The following SORCS2 variants were observed in gnomAD, a reference collection of about 807,000 sequenced individuals.
SORCS2 encodes the protein sortilin related VPS10 domain containing receptor 2.
In SORCS2, 100 loss-of-function variants were observed where a neutral mutation model predicts 141.6. The observed-to-expected ratio is 0.71, with a 90% CI of 0.60 to 0.83. The LOEUF (loss-of-function observed/expected upper bound fraction) is 0.83, where lower values mean the gene tolerates loss of function less well. Among genes scored for constraint, SORCS2 ranks in the 40% least tolerant of loss-of-function variants. The pLI is 0.00. For synonymous variants in SORCS2, 789 were observed against 676.9 expected (o/e 1.17, Z -2.57); for missense variants, 1,646 against 1,560.2 (o/e 1.05, Z -0.93).
intron 1 of SORCS2, among the ~76,000 whole-genome samples, chr4:7,329,094 CCCCAG>C (rs1322441805): frequency 3.9e-5 from 6 of 152,214 alleles, no homozygotes; most frequent in Non-Finnish European, 8.8e-5. Flanking sequence ...CAAGCCTGTG[CCCCAG>C]CCCTGGGAAA....
At chr4:7,358,611 T>C (rs866660360) in intron 1 of SORCS2, among the ~76,000 whole-genome samples, 3 of 152,318 alleles carry the variant, frequency 2.0e-5, no homozygotes, top group Middle Eastern at 3.4e-3. Flanking sequence ...ATGACTCGTG[T>C]CCTCTAAGTA....
intron 1 of SORCS2, among the ~76,000 whole-genome samples, chr4:7,222,767 C>T (rs1025133416): frequency 3.3e-5 from 5 of 151,786 alleles, no homozygotes; most frequent in African/African-American, 4.8e-5. Flanking sequence ...AGGGCTGGGG[C>T]GTACAGATCT....
chr4:7,555,456 G>A (rs1288076801), intron 3 of SORCS2, among the ~76,000 whole-genome samples: 1 of 152,224 alleles, frequency 6.6e-6, no homozygotes, highest in Non-Finnish European at 1.5e-5. Flanking sequence ...AGAGGAATGA[G>A]GAGGCATCTG....
At chr4:7,420,971 G>C (rs1726004910) in intron 2 of SORCS2, among the ~76,000 whole-genome samples, 1 of 152,198 alleles carries the variant, frequency 6.6e-6, no homozygotes, top group Admixed American at 6.5e-5. Flanking sequence ...GCCCCACTCA[G>C]CACGTGCGTA....
At chr4:7,483,373 G>A (rs1047222415) in intron 2 of SORCS2, among the ~76,000 whole-genome samples, 2 of 150,872 alleles carry the variant, frequency 1.3e-5, no homozygotes, top group Admixed American at 1.3e-4. Flanking sequence ...GACGGATGAA[G>A]TGGGCAGAGA....
At chr4:7,634,380 A>T (rs1026377505) in intron 3 of SORCS2, among the ~76,000 whole-genome samples, 1 of 152,068 alleles carries the variant, frequency 6.6e-6, no homozygotes, top group African/African-American at 2.4e-5. Flanking sequence ...TCAAAAAAAA[A>T]AAAAAGAACC....
intron 1 of SORCS2, among the ~76,000 whole-genome samples, chr4:7,328,601 G>A (rs550784308): frequency 3.3e-5 from 5 of 152,252 alleles, no homozygotes; most frequent in East Asian, 1.9e-4. Context: ...TGCGAGAAGC[G>A]TTTCTGGAGC....
intron 1 of SORCS2, among the ~76,000 whole-genome samples, chr4:7,306,778 T>C (rs991124326): frequency 1.3e-5 from 2 of 151,754 alleles, no homozygotes; most frequent in Non-Finnish European, 2.9e-5. Flanking sequence ...GAGGCTGGAG[T>C]GTGGCCCCGT....
rs142914795 is a variant in SORCS2, at chr4:7,251,851, G to A, written c.480+58725G>A. ...CTCCTTTGGAGTCCAGGAAGCAGGT[G>A]TCTCAGCTGAGCACATTGCATCCGG... On this transcript the variant is annotated intron_variant, in intron 1 of 26. Transcript: ENST00000507866. Among the ~76,000 whole-genome samples, 750 of 152,300 alleles carry A rather than the reference G, an allele frequency of 4.9e-3. 2 individuals carry two copies. The highest frequency in any genetic ancestry group is 8.5e-3 in the Non-Finnish European group (576 of 68,026).
chr4:7,395,917 G>C (rs1003224405), intron 1 of SORCS2, among the ~76,000 whole-genome samples: 1 of 152,212 alleles, frequency 6.6e-6, no homozygotes, highest in African/African-American at 2.4e-5. Flanking sequence ...CAGAAGCCTT[G>C]CCAAATGCGC....
At chr4:7,714,702 A>T (rs73794395) in intron 16 of SORCS2, among the ~76,000 whole-genome samples, 1,648 of 152,068 alleles carry the variant, frequency 0.011, 28 homozygotes, top group African/African-American at 0.038. Flanking sequence ...CCATCCAGGG[A>T]CTCTGCTGAA....
At chr4:7,454,682 G>C (rs1191079688) in intron 2 of SORCS2, among the ~76,000 whole-genome samples, 1 of 122,696 alleles carries the variant, frequency 8.2e-6, no homozygotes, top group East Asian at 2.9e-4. Flanking sequence ...GTTGGGGTCA[G>C]GCTCCGTGTT....
chr4:7,356,202 G>A (rs962193220), intron 1 of SORCS2, among the ~76,000 whole-genome samples: 1 of 152,246 alleles, frequency 6.6e-6, no homozygotes, highest in African/African-American at 2.4e-5. Context: ...CTTCTTAGCT[G>A]TATTTGTCCC....
In SORCS2 at chr4:7,712,767, G is replaced by A. The variant is rs1725911309; in HGVS notation, c.1903G>A (p.Glu635Lys). 4 of 1,613,874 alleles carry A rather than the reference G, an allele frequency of 2.5e-6. No homozygotes were observed. The highest frequency in any genetic ancestry group is 3.4e-6 in the Non-Finnish European group (4 of 1,179,802). The change falls in exon 15 of 27, where the codon GAG becomes AAG. Residue 635 changes from glutamate (E) to lysine (K), a missense_variant. Glu to Lys is a moderately conservative substitution (Grantham distance 56, BLOSUM62 1). Transcript: ENST00000507866. ...CCACATCAGCTTCCGCTCCGATTGG[G>A]AGCTGGTCAAGGTGGACTTCCGGCC... ...FGHISFRSDW[E>K]LVKVDFRPSF...
chr4:7,353,865 G>A (rs113842082), intron 1 of SORCS2, among the ~76,000 whole-genome samples: 135 of 152,258 alleles, frequency 8.9e-4, no homozygotes, highest in African/African-American at 3.0e-3. Context: ...GCTCAGCACC[G>A]GTGAAGGTCT....
chr4:7,295,867 C>G (rs1231980387), intron 1 of SORCS2, among the ~76,000 whole-genome samples: 1 of 152,246 alleles, frequency 6.6e-6, no homozygotes, highest in Non-Finnish European at 1.5e-5. Context: ...GCATGCCCAG[C>G]ACACAGTAGG....
At chr4:7,689,930 G>T (rs1017457832) in intron 11 of SORCS2, among the ~76,000 whole-genome samples, 1 of 140,020 alleles carries the variant, frequency 7.1e-6, no homozygotes, top group Non-Finnish European at 1.6e-5. Context: ...GATGGTGAAT[G>T]GATGGATGGA....
chr4:7,386,427 A>G (rs1560239616), intron 1 of SORCS2, among the ~76,000 whole-genome samples: 2 of 112,262 alleles, frequency 1.8e-5, no homozygotes, highest in African/African-American at 7.3e-5. Flanking sequence ...ACATGCACAC[A>G]CATACAGGTA....
intron 2 of SORCS2, among the ~76,000 whole-genome samples, chr4:7,402,966 G>T (rs184584518): frequency 9.2e-5 from 14 of 151,812 alleles, no homozygotes; most frequent in Non-Finnish European, 1.9e-4. Context: ...TCATTTCCAG[G>T]CCCCTTAATT....
Sources: gnomAD v4.1 joint callset for allele counts (sites outside exome capture counted in the v4.1 genomes callset) on GRCh38, gnomAD v4.1.1 for gene constraint, MANE v1.5 for transcripts, NCBI Gene and HGNC (gene_info 2026-07-23, HGNC 2026-07-21) for gene names.